Variants in NEDD9 observed in about 807,000 individuals in gnomAD.
NEDD9 encodes enhancer of filamentation 1.
In NEDD9, 26 loss-of-function variants were observed where a neutral mutation model predicts 76.6. The observed-to-expected ratio is 0.34, with a 90% CI of 0.25 to 0.47. NEDD9 has a LOEUF of 0.47. NEDD9 is among the 20% of genes least tolerant of loss of function. NEDD9 has a pLI of 1.00. For missense variants in NEDD9, 937 were observed against 1,058.5 expected (o/e 0.89, Z 1.59); for synonymous variants, 392 against 414.2 (o/e 0.95, Z 0.65).
chr6:11,378,023 A>G (rs918565328), intron 1 of NEDD9, among the ~76,000 whole-genome samples: 2 of 152,178 alleles, frequency 1.3e-5, no homozygotes, highest in African/African-American at 4.8e-5. Context: ...TGGGTGGATC[A>G]CCTGAGGTCA....
intron 1 of NEDD9, 64 bp downstream of exon 1, chr6:11,232,440 C>T (rs1019634535): frequency 2.8e-5 from 45 of 1,602,950 alleles, no homozygotes; most frequent in Non-Finnish European, 3.8e-5. Context: ...CACGCATACA[C>T]AAGCACACAC....
chr6:11,348,717 G>A (rs1762408773), intron 1 of NEDD9, among the ~76,000 whole-genome samples: 1 of 152,062 alleles, frequency 6.6e-6, no homozygotes, highest in South Asian at 2.1e-4. Context: ...AACTGGCTAG[G>A]CATTTACAGA....
chr6:11,350,205 T>C (rs1762439720), intron 1 of NEDD9, among the ~76,000 whole-genome samples: 1 of 152,122 alleles, frequency 6.6e-6, no homozygotes, highest in Non-Finnish European at 1.5e-5. Flanking sequence ...GTACATCCAG[T>C]CCTAAGGAGG....
intron 2 of NEDD9, among the ~76,000 whole-genome samples, chr6:11,328,284 A>G: frequency 6.6e-6 from 1 of 152,230 alleles, no homozygotes; most frequent in East Asian, 1.9e-4. Context: ...CATCCCACCC[A>G]AAATGTCAAA....
In NEDD9 at chr6:11,184,986, A is replaced by G; in HGVS notation, c.*176T>C. ...AAGAACCACTCAGGGGGAAAAAAAAAGATTTCCCTCTCCAGCTCCCTGAAT... is the reference window on the plus strand; with the variant it reads ...AAGAACCACTCAGGGGGAAAAAAAAGGATTTCCCTCTCCAGCTCCCTGAAT... On this transcript the variant is annotated 3_prime_UTR_variant, in exon 7 of 7. Transcript: ENST00000379446. 2 of 785,584 alleles carry G rather than the reference A, an allele frequency of 2.5e-6. No individual in the cohort carries two copies. Among genetic ancestry groups the G allele is most frequent in the East Asian group, 2.8e-5 (1 of 35,618 alleles). 48.7% of individuals were successfully genotyped at this position (785,584 alleles called of 1,614,324 possible).
intron 3 of NEDD9, chr6:11,251,386 A>G (rs1391323338): frequency 2.0e-5 from 3 of 152,228 alleles, no homozygotes; most frequent in African/African-American, 7.2e-5. Context: ...CAGGCTGGTT[A>G]GGTGAGGAGC....
At chr6:11,371,154 A>C (rs945557911) in intron 1 of NEDD9, among the ~76,000 whole-genome samples, 2 of 152,190 alleles carry the variant, frequency 1.3e-5, no homozygotes, top group African/African-American at 4.8e-5. Context: ...CAAAATTGAG[A>C]AAAAGGTACA....
intron 3 of NEDD9, among the ~76,000 whole-genome samples, chr6:11,281,015 C>A (rs1267558685): frequency 6.6e-6 from 1 of 152,226 alleles, no homozygotes; most frequent in Non-Finnish European, 1.5e-5. Context: ...CATAAGCATT[C>A]AATGGTTGCT....
intron 1 of NEDD9, among the ~76,000 whole-genome samples, chr6:11,228,682 A>G (rs1759381393): frequency 6.6e-6 from 1 of 152,196 alleles, no homozygotes; most frequent in African/African-American, 2.4e-5. Flanking sequence ...CATGTTACGC[A>G]CTGTACAACT....
At chr6:11,268,659 C>T (rs1473818025) in intron 3 of NEDD9, among the ~76,000 whole-genome samples, 3 of 151,574 alleles carry the variant, frequency 2.0e-5, no homozygotes, top group Non-Finnish European at 4.4e-5. Context: ...ACCCAGGAGG[C>T]GGAGGTTGCA....
At chr6:11,223,171 C>T (rs972633366) in intron 1 of NEDD9, among the ~76,000 whole-genome samples, 1 of 152,116 alleles carries the variant, frequency 6.6e-6, no homozygotes, top group Non-Finnish European at 1.5e-5. Context: ...GTTGAGAAAC[C>T]CTGGATAGAG....
At chr6:11,257,333 C>A (rs180826108) in intron 3 of NEDD9, among the ~76,000 whole-genome samples, 214 of 152,318 alleles carry the variant, frequency 1.4e-3, no homozygotes, top group Middle Eastern at 6.8e-3. Flanking sequence ...GGCAAATAAC[C>A]CCTGGGAGGC....
intron 1 of NEDD9, among the ~76,000 whole-genome samples, chr6:11,353,609 A>T (rs998621330): frequency 3.9e-5 from 6 of 152,228 alleles, no homozygotes; most frequent in African/African-American, 1.4e-4. Flanking sequence ...CACCCAGTTT[A>T]TGGTACTTTG....
At chr6:11,374,187 C>T (rs1762933556) in intron 1 of NEDD9, among the ~76,000 whole-genome samples, 1 of 152,070 alleles carries the variant, frequency 6.6e-6, no homozygotes, top group South Asian at 2.1e-4. Flanking sequence ...ATGTCATTTG[C>T]CAGGGATCAC....
chr6:11,321,979 T>A (rs965164432), intron 2 of NEDD9, among the ~76,000 whole-genome samples: 3 of 152,182 alleles, frequency 2.0e-5, no homozygotes, highest in African/African-American at 7.2e-5. Context: ...ATATACGCCA[T>A]GGAATACTAT....
At chr6:11,281,675 G>A (rs1760540577) in intron 3 of NEDD9, among the ~76,000 whole-genome samples, 1 of 152,180 alleles carries the variant, frequency 6.6e-6, no homozygotes, top group Non-Finnish European at 1.5e-5. Flanking sequence ...AGAGCCCAAA[G>A]ATGAAGAAAT....
chr6:11,266,066 G>T (rs977750338), intron 3 of NEDD9, among the ~76,000 whole-genome samples: 12 of 152,102 alleles, frequency 7.9e-5, no homozygotes, highest in Admixed American at 2.6e-4. Flanking sequence ...GGGACCAAGA[G>T]AAATTACTTA....
At chr6:11,352,761 T>C (rs898381266) in intron 1 of NEDD9, 1 of 152,244 alleles carries the variant, frequency 6.6e-6, no homozygotes, top group Non-Finnish European at 1.5e-5. Context: ...TGGTGTATAG[T>C]AGCACAAGAG....
chr6:11,208,623 G>A (rs1462511704), intron 2 of NEDD9, among the ~76,000 whole-genome samples: 2 of 152,230 alleles, frequency 1.3e-5, no homozygotes, highest in Non-Finnish European at 2.9e-5. Flanking sequence ...GCCTACAGCA[G>A]TCAGGAGGCA....
Sources: allele counts gnomAD v4.1 joint callset (sites outside exome capture counted in the v4.1 genomes callset), GRCh38; gene constraint gnomAD v4.1.1; transcripts MANE v1.5; gene names NCBI Gene and HGNC (gene_info 2026-07-23, HGNC 2026-07-21).